Variants in ANK2 observed in about 807,000 individuals in gnomAD.
The protein encoded by ANK2 is ankyrin-2.
In ANK2, 83 loss-of-function variants were observed where a neutral mutation model predicts 360.5. That is an observed-to-expected ratio of 0.23 (90% CI 0.19 to 0.28). The LOEUF is 0.28. ANK2 is among the 10% of genes least tolerant of loss of function. The pLI is 1.00. For missense variants in ANK2, 4,201 were observed against 4,795.7 expected, an observed-to-expected ratio of 0.88 and a Z score of 3.66; for synonymous variants, 1,740 against 1,759.5, an observed-to-expected ratio of 0.99 and a Z score of 0.28.
the ANK2 span, among the ~76,000 whole-genome samples, chr4:112,808,483 AAAG>A: frequency 6.6e-6 from 1 of 152,246 alleles, no homozygotes; most frequent in Non-Finnish European, 1.5e-5. Context: ...GATACAATAC[AAAG>A]AAGAAATACA....
Position 113,373,127 on chromosome 4 carries a change from CAGA to C in ANK2, c.11656_11658del (p.Glu3886del), listed in dbSNP as rs776600674. On this transcript the variant is annotated inframe_deletion, in exon 44 of 46. Coordinates refer to ENST00000357077, the MANE Select transcript of ANK2 (RefSeq NM_001148.6). The stretch of plus-strand genomic sequence containing the variant: ...CCTGAAATACCCCCAGAAACAGTCA[CAGA>C]AGAAGAATACATTGATGAGCATGGA... 31 of 1,614,080 alleles carry C rather than the reference CAGA, an allele frequency of 1.9e-5. No homozygotes were observed. The highest frequency in any genetic ancestry group is 1.4e-4 in the South Asian group (13 of 91,086).
the ANK2 span, among the ~76,000 whole-genome samples, chr4:112,735,704 T>C: frequency 6.6e-6 from 1 of 152,300 alleles, no homozygotes; most frequent in Non-Finnish European, 1.5e-5. Flanking sequence ...AAAAAACATA[T>C]AGAATTTATC....
At chr4:112,738,820 A>T in the ANK2 span, 1 of 629,150 alleles carries the variant, frequency 1.6e-6, no homozygotes. Context: ...AGAAGGTTCA[A>T]GGCCCAGATC....
chr4:113,024,135 G>T (rs1022518755), intron 2 of ANK2, among the ~76,000 whole-genome samples: 1 of 152,076 alleles, frequency 6.6e-6, no homozygotes, highest in African/African-American at 2.4e-5. Context: ...AAGAGACCAA[G>T]AAAGAGAATA....
intron 1 of ANK2, among the ~76,000 whole-genome samples, chr4:113,055,363 A>G (rs2069144437): frequency 6.6e-6 from 1 of 152,312 alleles, no homozygotes; most frequent in South Asian, 2.1e-4. Context: ...ACTGCACTCC[A>G]GCCTGCATGA....
At chr4:112,969,650 C>G (rs1056792101) in intron 2 of ANK2, among the ~76,000 whole-genome samples, 3 of 152,168 alleles carry the variant, frequency 2.0e-5, no homozygotes, top group Non-Finnish European at 4.4e-5. Context: ...CTCAAGCAAA[C>G]CATATCTAGC....
At chr4:113,198,349 T>A (rs560272515) in intron 3 of ANK2, among the ~76,000 whole-genome samples, 3 of 152,228 alleles carry the variant, frequency 2.0e-5, no homozygotes, top group Non-Finnish European at 4.4e-5. Context: ...GGTTTTTTTT[T>A]CTTTTTGTTA....
chr4:113,219,773 G>A (rs1339286509), intron 4 of ANK2, among the ~76,000 whole-genome samples: 2 of 152,048 alleles, frequency 1.3e-5, no homozygotes, highest in Non-Finnish European at 2.9e-5. Context: ...TTTCTGTGAC[G>A]TGTTTTATGA....
intron 1 of ANK2, among the ~76,000 whole-genome samples, chr4:113,149,551 G>T (rs1047215424): frequency 2.0e-5 from 3 of 152,030 alleles, no homozygotes; most frequent in Non-Finnish European, 2.9e-5. Context: ...AAATGATTTA[G>T]ATATGGTTAT....
chr4:113,264,964 G>T lies in ANK2; in HGVS notation c.1454G>T (p.Arg485Ile). 6.4e-7 allele frequency: 1 copy of T among 1,566,964 alleles called. No individual in the cohort carries two copies. Among genetic ancestry groups the T allele is most frequent in the Non-Finnish European group, 8.7e-7 (1 of 1,154,696 alleles). ...GQVEVVRCLL[R>I]NGALVDARAR... ...GTGGAAGTGGTCCGATGCCTCCTGA[G>T]AAATGGTGCCCTTGTTGATGCCAGA... The change falls in exon 14 of 46, where the codon AGA becomes ATA. Residue 485 changes from arginine (R) to isoleucine (I), a missense_variant. Transcript: ENST00000357077.
intron 2 of ANK2, among the ~76,000 whole-genome samples, chr4:112,992,598 G>A (rs2047189937): frequency 6.6e-6 from 1 of 152,190 alleles, no homozygotes; most frequent in South Asian, 2.1e-4. Flanking sequence ...GTATGATCGG[G>A]TTCTGACAAG....
At chr4:112,955,467 C>T (rs567076476) in intron 2 of ANK2, among the ~76,000 whole-genome samples, 57 of 152,044 alleles carry the variant, frequency 3.7e-4, no homozygotes, top group African/African-American at 1.3e-3. Context: ...GTAATGAAGA[C>T]TAACACCTTA....
chr4:113,158,826 A>G (rs2097399133), intron 1 of ANK2, among the ~76,000 whole-genome samples: 1 of 152,184 alleles, frequency 6.6e-6, no homozygotes, highest in Admixed American at 6.5e-5. Flanking sequence ...TGGTTAATGA[A>G]CAAGATCTTT....
intron 26 of ANK2, among the ~76,000 whole-genome samples, chr4:113,321,657 T>C (rs1488817275): frequency 6.6e-6 from 1 of 152,214 alleles, no homozygotes; most frequent in Non-Finnish European, 1.5e-5. Flanking sequence ...GTAGCTTTTA[T>C]TTATTTTTTT....
intron 2 of ANK2, among the ~76,000 whole-genome samples, chr4:112,996,964 A>C (rs772793124): frequency 8.3e-4 from 127 of 152,106 alleles, no homozygotes; most frequent in Non-Finnish European, 1.2e-3. Flanking sequence ...TAATTGACAT[A>C]AATTATAGAC....
chr4:113,260,998 C>G lies in ANK2; in HGVS notation c.1386+2587C>G, dbSNP rs60402828. On this transcript the variant is annotated intron_variant, in intron 13 of 45. Coordinates refer to ENST00000357077, the MANE Select transcript of ANK2 (RefSeq NM_001148.6). ...TTTGTTGTGCTTCGATGCTTTTCAA[C>G]TTGATGCGCCCAAAGTGGAAGTCAA... Among the ~76,000 whole-genome samples, 1,041 of 152,288 alleles carry G rather than the reference C, an allele frequency of 6.8e-3. 11 individuals carry two copies. The highest frequency in any genetic ancestry group is 0.024 in the African/African-American group (999 of 41,538).
At position 113,341,761 on chromosome 4, in the gene ANK2, T is replaced by A; in HGVS notation, c.3967T>A (p.Cys1323Ser). 1 of 1,614,150 alleles carries A rather than the reference T, an allele frequency of 6.2e-7. No individual in the cohort carries two copies. The highest frequency in any genetic ancestry group is 8.5e-7 in the Non-Finnish European group (1 of 1,180,018). Residue 1323 changes from cysteine (C) to serine (S), a missense_variant, in exon 33 of 46, where the codon TGC becomes AGC. Cys to Ser is a moderately radical substitution (Grantham distance 112, BLOSUM62 -1). Around this residue, in one of 4 missense-constraint regions of ANK2, gnomAD observed 1,268 missense variants for 1,650.8 expected, o/e 0.77. Transcript: ENST00000357077. ...ATCACAAGTATACAGAGAAATTATC[T>A]GCGTACCTTATATGGCCAAATTTGT... is the stretch of plus-strand genomic sequence containing the variant. ...FASQVYREII[C>S]VPYMAKFVVF...
intron 2 of ANK2, among the ~76,000 whole-genome samples, chr4:112,995,013 G>A (rs2048076827): frequency 6.6e-6 from 1 of 152,172 alleles, no homozygotes; most frequent in Non-Finnish European, 1.5e-5. Context: ...CCACTGATAG[G>A]CACCTAGGTT....
chr4:112,770,724 AAAG>A, the ANK2 span, among the ~76,000 whole-genome samples: 1 of 151,928 alleles, frequency 6.6e-6, no homozygotes, highest in Non-Finnish European at 1.5e-5. Context: ...AAAAAAAAAA[AAAG>A]TGCATTATAA....
Sources: allele counts gnomAD v4.1 joint callset (sites outside exome capture counted in the v4.1 genomes callset), GRCh38; gene constraint gnomAD v4.1.1; regional missense constraint gnomAD v4.1.1; transcripts MANE v1.5; gene names NCBI Gene and HGNC (gene_info 2026-07-23, HGNC 2026-07-21).